GDPGP1: variants seen among roughly 807,000 people sequenced by gnomAD.
The protein encoded by GDPGP1 is GDP-D-glucose phosphorylase 1.
GDPGP1 carries 18 observed loss-of-function variants against 19.2 expected under a neutral mutation model. The observed-to-expected ratio is 0.94, with a 90% CI of 0.65 to 1.39. The LOEUF (loss-of-function observed/expected upper bound fraction) is 1.39, where lower values mean the gene tolerates loss of function less well. GDPGP1 is among the 40% of genes most tolerant of loss of function. GDPGP1 has a pLI of 0.00. For synonymous variants in GDPGP1, 219 were observed against 208.9 expected (o/e 1.05, Z -0.42); for missense variants, 449 against 490.5 (o/e 0.92, Z 0.80).
intron 2 of GDPGP1, among the ~76,000 whole-genome samples, chr15:90,236,726 CG>C (rs1962643148): frequency 6.6e-6 from 1 of 151,250 alleles, no homozygotes; most frequent in Non-Finnish European, 1.5e-5. Flanking sequence ...TTAGTAGAGA[CG>C]GGGTTTCACC....
chr15:90,235,368 C>T (rs995114336), intron 2 of GDPGP1, among the ~76,000 whole-genome samples: 1 of 152,114 alleles, frequency 6.6e-6, no homozygotes, highest in Non-Finnish European at 1.5e-5. Flanking sequence ...GAGTTCAAGA[C>T]CAGCATGGCC....
chr15:90,235,576 C>CT (rs886682381), intron 2 of GDPGP1, among the ~76,000 whole-genome samples: 124 of 150,542 alleles, frequency 8.2e-4, no homozygotes, highest in African/African-American at 2.2e-3. Flanking sequence ...TCATTTTTCT[C>CT]TTTTTTTTTG....
chr15:90,241,142 C>T lies in GDPGP1; in HGVS notation c.234C>T (p.Tyr78=). 6.2e-7 allele frequency: 1 copy of T among 1,614,174 alleles called. No homozygotes were observed. The highest frequency in any genetic ancestry group is 8.5e-7 in the Non-Finnish European group (1 of 1,180,006). ...GGGTGGAGCTGGGGCTGTTTCGCTA[C>T]CGTCTACGGGAGCTACAGACCCAAA... ...KQRVELGLFR[Y]RLRELQTQIL... The change falls in exon 4 of 4, where the codon TAC becomes TAT. Residue 78 remains tyrosine, a synonymous_variant. Transcript: ENST00000329600.
chr15:90,238,261 C>G (rs1345492098), intron 2 of GDPGP1, among the ~76,000 whole-genome samples: 1 of 152,216 alleles, frequency 6.6e-6, no homozygotes, highest in Non-Finnish European at 1.5e-5. Flanking sequence ...GATCGTGCCA[C>G]TGCACTGCAG....
At position 90,241,179 on chromosome 15, in the gene GDPGP1, G is replaced by A. The variant is rs1433095990; in HGVS notation, c.271G>A (p.Ala91Thr). 1.2e-6 allele frequency: 2 copies of A among 1,614,202 alleles called. No individual in the cohort carries two copies. The highest frequency in any genetic ancestry group is 2.2e-5 in the East Asian group (1 of 44,882). ...GCTACAGACCCAAATCCTCCCTGGT[G>A]CTGTGGGTTTCGTGGCTCAGCTGAA... ...RELQTQILPG[A>T]VGFVAQLNVE... Residue 91 changes from alanine to threonine, a missense_variant, in exon 4 of 4, where the codon GCT (alanine) becomes ACT (threonine). Transcript: ENST00000329600.
rs1243417958 is a variant in GDPGP1, at chr15:90,241,158, C to G, written c.250C>G (p.Gln84Glu). 6.2e-7 allele frequency: 1 copy of G among 1,614,206 alleles called. No homozygotes were observed. The highest frequency in any genetic ancestry group is 2.2e-5 in the East Asian group (1 of 44,888). Residue 84 changes from glutamine (Q) to glutamate (E), a missense_variant, in exon 4 of 4, where the codon CAG becomes GAG. By Grantham distance (29) the Gln-to-Glu change is conservative. Coordinates refer to ENST00000329600, the MANE Select transcript of GDPGP1 (RefSeq NM_001013657.3). ...GTTTCGCTACCGTCTACGGGAGCTA[C>G]AGACCCAAATCCTCCCTGGTGCTGT... is the stretch of plus-strand genomic sequence containing the variant. ...GLFRYRLREL[Q>E]TQILPGAVGF...
chr15:90,240,541 G>A (rs1393513763), intron 3 of GDPGP1, among the ~76,000 whole-genome samples: 2 of 149,518 alleles, frequency 1.3e-5, no homozygotes, highest in Non-Finnish European at 3.0e-5. Flanking sequence ...AGCTGTGCAT[G>A]TTGGTTCATG....
At chr15:90,240,227 G>T (rs1962723270) in intron 3 of GDPGP1, among the ~76,000 whole-genome samples, 1 of 148,138 alleles carries the variant, frequency 6.8e-6, no homozygotes, top group Non-Finnish European at 1.5e-5. Flanking sequence ...AAATAAATAG[G>T]CCAGGTGCAG....
rs921879738 is a variant in GDPGP1 at position 90,244,484 on chromosome 15, C to G, written c.*2418C>G. ...CTAAGAGAGTATGTGGGTGTGAAAT[C>G]TCATTTTCCTTTTAGCTCCCTTGAA... On this transcript the variant is annotated 3_prime_UTR_variant, in exon 4 of 4. Coordinates refer to ENST00000329600, the MANE Select transcript of GDPGP1 (RefSeq NM_001013657.3). The G allele has an allele frequency of 9.2e-5, 14 of 152,122 alleles. No homozygotes were observed. Among genetic ancestry groups the G allele is most frequent in the Non-Finnish European group, 2.1e-4 (14 of 68,038 alleles). The allele number at this position is 152,122 out of a possible 1,614,324, so 9.4% of individuals were successfully genotyped here. A position where few individuals can be genotyped will look rare whatever the true frequency, so the allele number is the denominator to read the frequency against.
At position 90,241,494 on chromosome 15, in the gene GDPGP1, A is replaced by C; in HGVS notation, c.586A>C (p.Ser196Arg). 2 of 1,613,738 alleles carry C rather than the reference A, an allele frequency of 1.2e-6. No homozygotes were observed. Among genetic ancestry groups the C allele is most frequent in the South Asian group, 2.2e-5 (2 of 91,082 alleles). ...LRAGIEAVLL[S>R]LHPGFRVGFN... ...GGCAGGGATTGAGGCTGTGCTGCTG[A>C]GCTTACACCCGGGCTTCCGTGTCGG... Residue 196 changes from serine (S) to arginine (R), a missense_variant, in exon 4 of 4, where the codon AGC (serine) becomes CGC (arginine). Physicochemically the swap from Ser to Arg is moderately radical, Grantham distance 110 (BLOSUM62 -1). Transcript: ENST00000329600.
At chr15:90,235,462 G>T (rs763563423) in intron 2 of GDPGP1, among the ~76,000 whole-genome samples, 15 of 152,116 alleles carry the variant, frequency 9.9e-5, no homozygotes, top group African/African-American at 3.6e-4. Context: ...TGCAGTGAGC[G>T]GAGATTGTGC....
At chr15:90,237,643 C>T (rs928998873) in intron 2 of GDPGP1, among the ~76,000 whole-genome samples, 6 of 152,100 alleles carry the variant, frequency 3.9e-5, no homozygotes, top group African/African-American at 1.4e-4. Context: ...GTTAAACATC[C>T]CAAATGTGCT....
In GDPGP1 at chr15:90,241,539, T is replaced by C; in HGVS notation, c.631T>C (p.Leu211=). ...FRVGFNSLGG[L]ASVNHLHLHG... is the part of the protein sequence containing the mutation. ...TGTCGGCTTCAACAGCCTGGGAGGCTTGGCCTCGGTGAACCACCTCCACCT... is the reference window on the plus strand; with the variant it reads ...TGTCGGCTTCAACAGCCTGGGAGGCCTGGCCTCGGTGAACCACCTCCACCT... Residue 211 remains leucine (L), a synonymous_variant, in exon 4 of 4, where the codon TTG becomes CTG. Coordinates refer to ENST00000329600, the MANE Select transcript of GDPGP1 (RefSeq NM_001013657.3). 1 of 1,613,414 alleles carries C rather than the reference T, an allele frequency of 6.2e-7. No homozygotes were observed. The highest frequency in any genetic ancestry group is 8.5e-7 in the Non-Finnish European group (1 of 1,180,030).
rs964142575 is a variant in GDPGP1 at position 90,245,573 on chromosome 15, T to C, written c.*3507T>C. The C allele has an allele frequency of 1.3e-5, 2 of 152,212 alleles. No individual in the cohort carries two copies. Among genetic ancestry groups the C allele is most frequent in the African/African-American group, 2.4e-5 (1 of 41,468 alleles). 9.4% of individuals were successfully genotyped at this position (152,212 alleles called of 1,614,324 possible). Reference sequence around the variant, plus strand: ...TGCAGTAATTTTTCCTTAATACTTTTTGCAAGCTTTTGCATGCATAAGCTC... The same window carrying C: ...TGCAGTAATTTTTCCTTAATACTTTCTGCAAGCTTTTGCATGCATAAGCTC... On this transcript the variant is annotated 3_prime_UTR_variant, in exon 4 of 4. Coordinates refer to ENST00000329600, the MANE Select transcript of GDPGP1 (RefSeq NM_001013657.3).
rs7171194 is a variant in GDPGP1, at chr15:90,241,018, T to C, written c.110T>C (p.Met37Thr). ...PDFVYGQKDL[M>T]AEGIQWPRNA... is the part of the protein sequence containing the mutation. ...TTTGTTTATGGGCAGAAGGATCTCATGGCAGAAGGGATTCAGTGGCCAAGG... is the reference window on the plus strand; with the variant it reads ...TTTGTTTATGGGCAGAAGGATCTCACGGCAGAAGGGATTCAGTGGCCAAGG... The change falls in exon 4 of 4, where the codon ATG becomes ACG. Residue 37 changes from methionine to threonine, a missense_variant. Met to Thr is a moderately conservative substitution (Grantham distance 81). Coordinates refer to ENST00000329600, the MANE Select transcript of GDPGP1 (RefSeq NM_001013657.3). 0.68 allele frequency: 1,094,578 copies of C among 1,613,682 alleles called. 375,460 individuals are homozygous for C. Among genetic ancestry groups the C allele is most frequent in the African/African-American group, 0.94 (70,812 of 74,998 alleles).
In GDPGP1 at chr15:90,243,692, A is replaced by G. The variant is rs1962813957; in HGVS notation, c.*1626A>G. 8.1e-6 allele frequency: 1 copy of G among 122,892 alleles called. No individual in the cohort carries two copies. The highest frequency in any genetic ancestry group is 2.6e-4 in the South Asian group (1 of 3,802). The allele number at this position is 122,892 out of a possible 1,614,324, so 7.6% of individuals were successfully genotyped here. A position where few individuals can be genotyped will look rare whatever the true frequency, so the allele number is the denominator to read the frequency against. On this transcript the variant is annotated 3_prime_UTR_variant, in exon 4 of 4. Transcript: ENST00000329600. ...TTTTGACACAGGGTCACTGTCACCC[A>G]GGCTGGAGTGCAGTGGTATGAAGAC...
At chr15:90,238,098 G>A (rs1467360820) in intron 2 of GDPGP1, among the ~76,000 whole-genome samples, 5 of 152,110 alleles carry the variant, frequency 3.3e-5, no homozygotes, top group Non-Finnish European at 7.4e-5. Context: ...TCAGGAGTTC[G>A]AGACCAGCCT....
intron 3 of GDPGP1, among the ~76,000 whole-genome samples, chr15:90,239,305 A>ATGTGTGTGTG (rs4031525): frequency 0.096 from 14,259 of 147,832 alleles, 685 homozygotes; most frequent in African/African-American, 0.11. Context: ...GAGACATAAA[A>ATGTGTGTGTG]TGTGTGTGTG....
chr15:90,236,571 G>A (rs995142172), intron 2 of GDPGP1, among the ~76,000 whole-genome samples: 7 of 152,082 alleles, frequency 4.6e-5, no homozygotes, highest in African/African-American at 1.7e-4. Context: ...GTCTCACTCT[G>A]TCACCAGGCT....
Sources: allele counts gnomAD v4.1 joint callset (sites outside exome capture counted in the v4.1 genomes callset), GRCh38; gene constraint gnomAD v4.1.1; transcripts MANE v1.5; gene names NCBI Gene and HGNC (gene_info 2026-07-23, HGNC 2026-07-21).